Variants in CLYBL observed in about 807,000 individuals in gnomAD.
The protein encoded by CLYBL is citramalyl-CoA lyase.
Under a neutral mutation model 38.9 loss-of-function variants are expected in CLYBL, and 31 were observed. The observed-to-expected ratio is 0.80, with a 90% CI of 0.60 to 1.08. CLYBL has a LOEUF of 1.08. CLYBL is among the 50% of genes least tolerant of loss of function. CLYBL has a pLI of 0.00. For synonymous variants in CLYBL, 171 were observed against 158.6 expected (o/e 1.08, Z -0.59); for missense variants, 434 against 411.6 (o/e 1.05, Z -0.47).
chr13:99,697,009 G>A (rs1356225493), intron 1 of CLYBL, among the ~76,000 whole-genome samples: 16 of 152,064 alleles, frequency 1.1e-4, no homozygotes. Context: ...TGCTGCTACT[G>A]CTTTTCCAAA....
intron 1 of CLYBL, among the ~76,000 whole-genome samples, chr13:99,663,597 C>G (rs138986897): frequency 6.6e-6 from 1 of 152,240 alleles, no homozygotes; most frequent in Non-Finnish European, 1.5e-5. Context: ...GCCTGCCTGT[C>G]GAGACCAAGC....
In CLYBL at chr13:99,866,192, G is replaced by T. The variant is rs768349788; in HGVS notation, c.635-48G>T. ...GGTTTTATAATAAATATCTGGGTGCGGTTTCCAAAGTTAAAGCCTCCTTTT... is the reference window on the plus strand; with the variant it reads ...GGTTTTATAATAAATATCTGGGTGCTGTTTCCAAAGTTAAAGCCTCCTTTT... On this transcript the variant is annotated intron_variant, in intron 5 of 8. Transcript: ENST00000339105. The T allele has an allele frequency of 1.9e-6, 3 of 1,571,746 alleles. No individual in the cohort carries two copies. In the South Asian group the frequency reaches 3.4e-5, roughly 18 times the overall value.
intron 2 of CLYBL, among the ~76,000 whole-genome samples, chr13:99,820,075 A>G: frequency 6.6e-6 from 1 of 152,166 alleles, no homozygotes; most frequent in South Asian, 2.1e-4. Flanking sequence ...ATTTTCCCCA[A>G]GTGTCGGGCC....
chr13:99,816,871 A>G (rs1017706389), intron 2 of CLYBL, among the ~76,000 whole-genome samples: 5 of 152,212 alleles, frequency 3.3e-5, no homozygotes, highest in Admixed American at 2.0e-4. Flanking sequence ...AAATATGCCA[A>G]CTGTTTTCTA....
At chr13:99,884,394 T>C (rs1269926593) in intron 7 of CLYBL, among the ~76,000 whole-genome samples, 3 of 152,106 alleles carry the variant, frequency 2.0e-5, no homozygotes, top group Admixed American at 6.5e-5. Context: ...CCCTGGTCTG[T>C]CTTCCTTCCC....
intron 1 of CLYBL, among the ~76,000 whole-genome samples, chr13:99,617,314 CTCTAT>C (rs1247463151): frequency 1.3e-5 from 2 of 152,028 alleles, no homozygotes; most frequent in African/African-American, 4.8e-5. Context: ...ATAAGGGCCT[CTCTAT>C]GGACCTTTTT....
chr13:99,714,786 A>G (rs746124938), intron 1 of CLYBL, among the ~76,000 whole-genome samples: 16 of 151,880 alleles, frequency 1.1e-4, no homozygotes, highest in Non-Finnish European at 1.6e-4. Flanking sequence ...CGTCTCTACT[A>G]AAAACACAAA....
At chr13:99,635,833 G>A (rs573774863) in intron 1 of CLYBL, among the ~76,000 whole-genome samples, 17 of 152,292 alleles carry the variant, frequency 1.1e-4, no homozygotes, top group Admixed American at 6.5e-4. Context: ...CATCTTTATG[G>A]TGACAATACT....
At chr13:99,904,213 C>T (rs576105742) in intron 8 of CLYBL, among the ~76,000 whole-genome samples, 39 of 152,224 alleles carry the variant, frequency 2.6e-4, no homozygotes, top group African/African-American at 8.9e-4. Flanking sequence ...CTGGGCCCCA[C>T]CCCAAACTAA....
At chr13:99,749,179 CAAAAA>C (rs986504755) in intron 1 of CLYBL, among the ~76,000 whole-genome samples, 1 of 116,492 alleles carries the variant, frequency 8.6e-6, no homozygotes, top group African/African-American at 3.2e-5. Flanking sequence ...GACTCTGTCT[CAAAAA>C]AAAAAAAAGA....
intron 7 of CLYBL, among the ~76,000 whole-genome samples, chr13:99,887,078 G>A (rs567430095): frequency 1.3e-5 from 2 of 152,216 alleles, no homozygotes; most frequent in Non-Finnish European, 2.9e-5. Flanking sequence ...TTATAGACCT[G>A]CATATCCAAG....
At chr13:99,665,861 G>C (rs780259774) in intron 1 of CLYBL, among the ~76,000 whole-genome samples, 2 of 152,208 alleles carry the variant, frequency 1.3e-5, no homozygotes, top group Non-Finnish European at 2.9e-5. Context: ...CCGTTCAGCC[G>C]TTTGATGGAA....
At chr13:99,755,167 G>A (rs2049040047) in intron 1 of CLYBL, among the ~76,000 whole-genome samples, 1 of 152,188 alleles carries the variant, frequency 6.6e-6, no homozygotes, top group Admixed American at 6.5e-5. Context: ...AGAGTGCTGG[G>A]ATTACAGGCG....
chr13:99,655,605 C>T (rs1287793695), intron 1 of CLYBL, among the ~76,000 whole-genome samples: 1 of 152,200 alleles, frequency 6.6e-6, no homozygotes, highest in Admixed American at 6.5e-5. Context: ...TCTTTCATCC[C>T]ACTAAATAAC....
chr13:99,649,899 A>G (rs2047226027), intron 1 of CLYBL, among the ~76,000 whole-genome samples: 1 of 151,596 alleles, frequency 6.6e-6, no homozygotes, highest in Non-Finnish European at 1.5e-5. Flanking sequence ...ATGATGCTTC[A>G]TGAAAAAAAA....
At chr13:99,719,658 C>A (rs925213912) in intron 1 of CLYBL, among the ~76,000 whole-genome samples, 2 of 151,866 alleles carry the variant, frequency 1.3e-5, no homozygotes, top group African/African-American at 4.8e-5. Context: ...AGGTGCCCGC[C>A]ACCACACCCA....
At chr13:99,794,150 G>A (rs187211727) in intron 2 of CLYBL, among the ~76,000 whole-genome samples, 8 of 152,328 alleles carry the variant, frequency 5.3e-5, no homozygotes, top group South Asian at 2.1e-4. Context: ...GCCAGGCGCC[G>A]TGGCTCATGC....
chr13:99,693,773 G>A (rs754020576), intron 1 of CLYBL, among the ~76,000 whole-genome samples: 1 of 152,176 alleles, frequency 6.6e-6, no homozygotes, highest in Non-Finnish European at 1.5e-5. Flanking sequence ...GGAGCATTGT[G>A]CAGGAGGTTT....
chr13:99,743,009 G>A (rs902067475), intron 1 of CLYBL, among the ~76,000 whole-genome samples: 2 of 149,878 alleles, frequency 1.3e-5, no homozygotes, highest in Non-Finnish European at 1.5e-5. Context: ...AGAGGGTAGC[G>A]GGCTTTTTGT....
Sources: allele counts gnomAD v4.1 joint callset (sites outside exome capture counted in the v4.1 genomes callset), GRCh38; gene constraint gnomAD v4.1.1; transcripts MANE v1.5; gene names NCBI Gene and HGNC (gene_info 2026-07-23, HGNC 2026-07-21).